The following CDH4 variants were observed in gnomAD, a reference collection of about 807,000 sequenced individuals.
The protein encoded by CDH4 is cadherin 4.
CDH4 carries 33 observed loss-of-function variants against 86.0 expected under a neutral mutation model. That is an observed-to-expected ratio of 0.38 (90% CI 0.29 to 0.51). CDH4 has a LOEUF of 0.51. CDH4 is among the 20% of genes least tolerant of loss of function. CDH4 has a pLI of 0.86. For synonymous variants in CDH4, 555 were observed against 549.4 expected (o/e 1.01, Z -0.14); for missense variants, 1,114 against 1,307.4 (o/e 0.85, Z 2.28).
intron 3 of CDH4, among the ~76,000 whole-genome samples, chr20:61,766,673 C>T (rs1034648306): frequency 3.9e-5 from 6 of 152,170 alleles, no homozygotes; most frequent in African/African-American, 7.2e-5. Context: ...CTGTTAACCT[C>T]GGAGCCTGTG....
chr20:61,734,477 A>G (rs1459091970), intron 2 of CDH4, among the ~76,000 whole-genome samples: 2 of 152,254 alleles, frequency 1.3e-5, no homozygotes, highest in Non-Finnish European at 2.9e-5. Context: ...CATGCTTTGC[A>G]TTGGGGCATC....
intron 3 of CDH4, among the ~76,000 whole-genome samples, chr20:61,757,238 C>G (rs1002196243): frequency 3.3e-5 from 5 of 152,074 alleles, no homozygotes; most frequent in African/African-American, 1.2e-4. Context: ...CACAGACCCC[C>G]CCCCCAGCCC....
chr20:61,310,440 C>G (rs1600855359), intron 2 of CDH4, among the ~76,000 whole-genome samples: 2 of 152,270 alleles, frequency 1.3e-5, no homozygotes, highest in Admixed American at 1.3e-4. Context: ...CTCAGATCAT[C>G]AGGCATTAAT....
intron 2 of CDH4, among the ~76,000 whole-genome samples, chr20:61,299,079 G>A (rs1349100216): frequency 6.7e-6 from 1 of 150,176 alleles, no homozygotes; most frequent in African/African-American, 2.5e-5. Flanking sequence ...GAAAAAAAAT[G>A]GGGGGTCTTT....
chr20:61,447,088 C>A (rs188154519), intron 2 of CDH4, among the ~76,000 whole-genome samples: 2 of 152,092 alleles, frequency 1.3e-5, no homozygotes, highest in East Asian at 3.9e-4. Flanking sequence ...AACCTTTTTG[C>A]CTACCATACT....
chr20:61,397,889 G>A (rs1229175514), intron 2 of CDH4, among the ~76,000 whole-genome samples: 3 of 152,142 alleles, frequency 2.0e-5, no homozygotes, highest in Admixed American at 6.5e-5. Context: ...ACGCTTGGCC[G>A]TATCGCAGCT....
chr20:61,627,487 G>C (rs2086839641), intron 2 of CDH4, among the ~76,000 whole-genome samples: 3 of 152,270 alleles, frequency 2.0e-5, no homozygotes, highest in African/African-American at 7.2e-5. Context: ...GGAGCACCCT[G>C]CCCCTAATGT....
rs2084996524 is a variant in CDH4 at position 61,393,217 on chromosome 20, C to T, written c.169+138280C>T. Among the ~76,000 whole-genome samples, 1 of 152,142 alleles carries T rather than the reference C, an allele frequency of 6.6e-6. No homozygotes were observed. The highest frequency in any genetic ancestry group is 2.4e-5 in the African/African-American group (1 of 41,424). On this transcript the variant is annotated intron_variant, in intron 2 of 15. Transcript: ENST00000614565. This position sits in a 1 kb window ranked among gnomAD's most constrained non-coding sequence, Gnocchi z 4.3. ...ACTGTTTAATCGGTCCTCGCGGGAG[C>T]TTCCCTGGGGGTGCAGGACCCAGTG...
intron 2 of CDH4, among the ~76,000 whole-genome samples, chr20:61,721,556 T>C (rs1344946792): frequency 6.6e-6 from 1 of 152,244 alleles, no homozygotes; most frequent in Non-Finnish European, 1.5e-5. Context: ...GCTTTTTCAC[T>C]GCTATCTTAA....
In CDH4 at chr20:61,826,533, C is replaced by T. The variant is rs77838789; in HGVS notation, c.577-18135C>T. 4.2e-3 allele frequency among the ~76,000 whole-genome samples: 636 copies of T among 152,306 alleles called. 24 individuals are homozygous for T. In the East Asian group the frequency reaches 0.093, roughly 22 times the overall value. ...TGTGCTAAGGAGAACATGCACCAGC[C>T]CCTGTGCTAAGCTAGGGCGGTGATG... On this transcript the variant is annotated intron_variant, in intron 4 of 15. Coordinates refer to ENST00000614565, the MANE Select transcript of CDH4 (RefSeq NM_001794.5).
At chr20:61,279,142 T>G (rs1207913258) in intron 2 of CDH4, among the ~76,000 whole-genome samples, 2 of 152,190 alleles carry the variant, frequency 1.3e-5, no homozygotes, top group East Asian at 3.9e-4. Flanking sequence ...AAAGTCTCCG[T>G]CACAGCCTTT....
At chr20:61,843,655 T>A (rs1320547319) in intron 4 of CDH4, among the ~76,000 whole-genome samples, 2 of 148,698 alleles carry the variant, frequency 1.3e-5, no homozygotes, top group East Asian at 4.0e-4. Context: ...ATTGCCCTAC[T>A]GCACTCCAGG....
At chr20:61,644,935 C>T (rs998989499) in intron 2 of CDH4, among the ~76,000 whole-genome samples, 1 of 152,302 alleles carries the variant, frequency 6.6e-6, no homozygotes, top group South Asian at 2.1e-4. Flanking sequence ...AGGAAGGGAC[C>T]CCGTCAGCCG....
At chr20:61,888,624 C>T (rs1249276307) in intron 7 of CDH4, among the ~76,000 whole-genome samples, 2 of 152,226 alleles carry the variant, frequency 1.3e-5, no homozygotes, top group African/African-American at 4.8e-5. Flanking sequence ...CAGATCCTGA[C>T]CCTGAGGTTG....
chr20:61,491,727 T>C (rs1363455190), intron 2 of CDH4, among the ~76,000 whole-genome samples: 1 of 152,210 alleles, frequency 6.6e-6, no homozygotes, highest in South Asian at 2.1e-4. Context: ...TTCTTGCTGC[T>C]GATGTCAGTA....
intron 7 of CDH4, among the ~76,000 whole-genome samples, chr20:61,890,308 GGATGGATA>G (rs1337899457): frequency 6.6e-6 from 1 of 151,778 alleles, no homozygotes; most frequent in Non-Finnish European, 1.5e-5. Flanking sequence ...GTGGATGGAT[GGATGGATA>G]GATGGATGAT....
At chr20:61,922,004 C>T (rs1373309491) in intron 9 of CDH4, among the ~76,000 whole-genome samples, 1 of 152,154 alleles carries the variant, frequency 6.6e-6, no homozygotes, top group African/African-American at 2.4e-5. Flanking sequence ...ACCAGTAGAT[C>T]CTGGAAAGCT....
intron 2 of CDH4, among the ~76,000 whole-genome samples, chr20:61,606,573 G>T (rs1224948905): frequency 1.3e-5 from 2 of 152,250 alleles, no homozygotes; most frequent in Admixed American, 6.5e-5. Flanking sequence ...CTGAATGATT[G>T]CTGTTGGCAA....
At chr20:61,552,929 C>G (rs2086145248) in intron 2 of CDH4, among the ~76,000 whole-genome samples, 1 of 152,068 alleles carries the variant, frequency 6.6e-6, no homozygotes, top group African/African-American at 2.4e-5. Context: ...GCATATGACC[C>G]AGAAATGTGA....
Sources: allele counts gnomAD v4.1 joint callset (sites outside exome capture counted in the v4.1 genomes callset), GRCh38; gene constraint gnomAD v4.1.1; non-coding constraint Gnocchi (gnomAD v3.1); transcripts MANE v1.5; gene names NCBI Gene and HGNC (gene_info 2026-07-23, HGNC 2026-07-21).